The following PLEC variants were observed in gnomAD, a reference collection of about 807,000 sequenced individuals.
The protein encoded by PLEC is hemidesmosomal protein 1.
In PLEC, 216 loss-of-function variants were observed where a neutral mutation model predicts 392.8. The observed-to-expected ratio is 0.55, with a 90% confidence interval of 0.49 to 0.62. The LOEUF is 0.62. PLEC is among the 20% of genes least tolerant of loss of function. PLEC has a pLI of 0.00. For synonymous variants in PLEC, 3,621 were observed against 2,980.6 expected (o/e 1.21, Z -7.00); for missense variants, 6,863 against 6,563.4 (o/e 1.05, Z -1.58).
Position 143,968,529 on chromosome 8 carries a change from C to CAAAAAAAAAAA in PLEC, c.70+4863_70+4873dup, listed in dbSNP as rs57468544. ...TGGGTGACAGAGCAAAACTCCATCT[C>CAAAAAAAAAAA]AAAAAAAAAAAAAAAAAAGACACCA... On this transcript the variant is annotated intron_variant, in intron 1 of 31. Transcript: ENST00000356346. 4.7e-3 allele frequency among the ~76,000 whole-genome samples: 297 copies of CAAAAAAAAAAA among 63,274 alleles called. 1 individual carries two copies. The highest frequency in any genetic ancestry group is 0.023 in the Middle Eastern group (2 of 88). The allele number at this position is 63,274 out of a possible 152,430, so 41.5% of individuals were successfully genotyped here. A position where few individuals can be genotyped will look rare whatever the true frequency, so the allele number is the denominator to read the frequency against.
intron 5 of PLEC, 59 bp from the exon 6 acceptor site, chr8:143,936,073 C>T (rs1368027212): frequency 2.5e-6 from 4 of 1,584,718 alleles, no homozygotes; most frequent in Non-Finnish European, 3.4e-6. Context: ...TGCTCTGTGC[C>T]CACAGCCACA....
upstream of PLEC, among the ~76,000 whole-genome samples, chr8:143,942,182 G>A (rs1177872617): frequency 2.2e-5 from 3 of 138,006 alleles, no homozygotes; most frequent in African/African-American, 7.9e-5. Context: ...GCCCCCTCCA[G>A]CCCCTTCTCT....
chr8:143,943,969 C>T (rs1830999677), upstream of PLEC: 7 of 1,553,366 alleles, frequency 4.5e-6, no homozygotes, highest in East Asian at 7.2e-5. Flanking sequence ...CCCCTCCCTG[C>T]GTGCAGGGCG....
chr8:143,950,735 G>A, exon 1 of PLEC: 1 of 1,546,060 alleles, frequency 6.5e-7, no homozygotes, highest in Non-Finnish European at 8.7e-7. Context: ...GTCAGTGCGG[G>A]GGCAAAGGCA....
At chr8:143,926,438 C>T (rs1186508177) in intron 30 of PLEC, among the ~76,000 whole-genome samples, 1 of 152,230 alleles carries the variant, frequency 6.6e-6, no homozygotes, top group Non-Finnish European at 1.5e-5. Flanking sequence ...CACAACTCAG[C>T]ACCCCCGACT....
chr8:143,932,793 C>CTCG lies in PLEC; in HGVS notation c.1734_1736dup (p.Asp578dup), dbSNP rs782503949. 3 of 1,612,160 alleles carry CTCG rather than the reference C, an allele frequency of 1.9e-6. No homozygotes were observed. The highest frequency in any genetic ancestry group is 1.7e-6 in the Non-Finnish European group (2 of 1,179,756). On this transcript the variant is annotated inframe_insertion and splice_region_variant, in exon 14 of 32. Transcript: ENST00000345136. ...CTGCCCATCGCTCAGCGCCACCCAC[C>CTCG]TCGTCACTCCGTGCCCGCTCGATCT...
intron 30 of PLEC, 69 bp downstream of exon 30, chr8:143,926,715 G>T: frequency 7.7e-7 from 1 of 1,293,478 alleles, no homozygotes; most frequent in Non-Finnish European, 1.1e-6. Context: ...CAGCTCCTGT[G>T]GCTGTGTGTG....
chr8:143,929,061 C>T, intron 25 of PLEC, 42 bp downstream of exon 25: 1 of 1,536,586 alleles, frequency 6.5e-7, no homozygotes, highest in Non-Finnish European at 8.8e-7. Context: ...CCAGCACCCC[C>T]CAGCCGACCC....
chr8:143,934,887 G>GCAGCAC lies in PLEC; in HGVS notation c.862_867dup (p.Val288_Leu289dup), dbSNP rs1462956596. 3 of 1,611,424 alleles carry GCAGCAC rather than the reference G, an allele frequency of 1.9e-6. No individual in the cohort carries two copies. The highest frequency in any genetic ancestry group is 2.5e-6 in the Non-Finnish European group (3 of 1,179,796). ...TGGTGTCGCATCCACTGAAGCAGCAGCAGCACCAGCTCCCGGTACTCCTGC... is the reference window on the plus strand; with the variant it reads ...TGGTGTCGCATCCACTGAAGCAGCAGCAGCACCAGCACCAGCTCCCGGTACTCCTGC... On this transcript the variant is annotated inframe_insertion, in exon 9 of 32. Coordinates refer to ENST00000345136, the MANE Select transcript of PLEC (RefSeq NM_201384.3).
At chr8:143,949,091 C>T (rs568017184) in intron 1 of PLEC, among the ~76,000 whole-genome samples, 2 of 152,348 alleles carry the variant, frequency 1.3e-5, no homozygotes, top group Admixed American at 6.5e-5. Flanking sequence ...CCAAGGCAAG[C>T]CCCTAACAAG....
chr8:143,975,446 C>T, upstream of PLEC: 1 of 1,338,420 alleles, frequency 7.5e-7, no homozygotes, highest in Non-Finnish European at 1.1e-6. The surrounding 1 kb of genome is among the most constrained non-coding windows in gnomAD (Gnocchi z 9.9). Flanking sequence ...ACCCACCCAC[C>T]ACCTTCTTAA....
At chr8:143,951,429 G>A (rs1554736550), upstream of PLEC, among the ~76,000 whole-genome samples, 1 of 152,142 alleles carries the variant, frequency 6.6e-6, no homozygotes, top group African/African-American at 2.4e-5. Flanking sequence ...CACATGAGGA[G>A]GGCTGCAGGC....
rs782237678 is a variant in PLEC, at chr8:143,924,309, C to T, written c.5620G>A (p.Ala1874Thr). The T allele has an allele frequency of 1.3e-6, 2 of 1,594,984 alleles. No homozygotes were observed. The highest frequency in any genetic ancestry group is 2.2e-5 in the South Asian group (2 of 90,722). ...ERLRRLAEDE[A>T]FQRRRLEEQA... is the part of the protein sequence containing the mutation. The stretch of plus-strand genomic sequence containing the variant: ...TCCTCCAGCCGCCGCCGCTGGAAGG[C>T]CTCGTCCTCCGCCAGCCGCCGCAGG... The change falls in exon 31 of 32, where the codon GCC (alanine) becomes ACC (threonine). Residue 1874 changes from alanine (A) to threonine (T), a missense_variant. By Grantham distance (58) the Ala-to-Thr change is moderately conservative (BLOSUM62 0). Coordinates refer to ENST00000345136, the MANE Select transcript of PLEC (RefSeq NM_201384.3).
At position 143,939,595 on chromosome 8, in the gene PLEC, C is replaced by T. The variant is rs1330501255; in HGVS notation, c.-134G>A. ...ACTCGGCACAGGCTCAGCTCAGAGC[C>T]CCAGTCGGTGCGGCCACTCCCTGCC... On this transcript the variant is annotated 5_prime_UTR_variant, in exon 1 of 32. Transcript: ENST00000345136. 1 of 1,495,588 alleles carries T rather than the reference C, an allele frequency of 6.7e-7. No individual in the cohort carries two copies. The highest frequency in any genetic ancestry group is 8.9e-7 in the Non-Finnish European group (1 of 1,121,906). The allele number at this position is 1,495,588 out of a possible 1,614,324, so 92.6% of individuals were successfully genotyped here.
intron 1 of PLEC, among the ~76,000 whole-genome samples, chr8:143,962,623 G>A (rs546902453): frequency 3.9e-5 from 6 of 152,346 alleles, no homozygotes; most frequent in African/African-American, 1.2e-4. Context: ...TAGAAATATG[G>A]GTATTAAAGG....
At position 143,917,208 on chromosome 8, in the gene PLEC, T is replaced by A; in HGVS notation, c.12613A>T (p.Ile4205Phe). 6.2e-7 allele frequency: 1 copy of A among 1,613,024 alleles called. No individual in the cohort carries two copies. The highest frequency in any genetic ancestry group is 8.5e-7 in the Non-Finnish European group (1 of 1,179,778). Residue 4205 changes from isoleucine (I) to phenylalanine (F), a missense_variant, in exon 32 of 32, where the codon ATC becomes TTC. Transcript: ENST00000345136. ...IDRRSGRQYD[I>F]DDAIAKNLID... ...AGGTTCTTGGCGATGGCATCATCGATGTCGTACTGGCGCCCGGAGCGGCGG... is the reference window on the plus strand; with the variant it reads ...AGGTTCTTGGCGATGGCATCATCGAAGTCGTACTGGCGCCCGGAGCGGCGG...
intron 19 of PLEC, among the ~76,000 whole-genome samples, chr8:143,930,808 G>A (rs1161736466): frequency 6.6e-6 from 1 of 152,126 alleles, no homozygotes; most frequent in Non-Finnish European, 1.5e-5. Flanking sequence ...TCCCTACAAT[G>A]CCCTCGCCCC....
chr8:143,942,489 G>A (rs190108480), upstream of PLEC: 17 of 1,590,114 alleles, frequency 1.1e-5, no homozygotes, highest in Non-Finnish European at 1.3e-5. Context: ...CCCTCGGCGA[G>A]GCAAAGGCGC....
At chr8:143,930,881 C>G (rs1827040882) in intron 19 of PLEC, among the ~76,000 whole-genome samples, 1 of 152,148 alleles carries the variant, frequency 6.6e-6, no homozygotes, top group African/African-American at 2.4e-5. Flanking sequence ...TCTGCGGGGG[C>G]CAGGCCGCAG....
Sources: allele counts gnomAD v4.1 joint callset (sites outside exome capture counted in the v4.1 genomes callset), GRCh38; gene constraint gnomAD v4.1.1; non-coding constraint Gnocchi (gnomAD v3.1); transcripts MANE v1.5; gene names NCBI Gene and HGNC (gene_info 2026-07-23, HGNC 2026-07-21).